EIF4ENIF1: variants seen among roughly 807,000 people sequenced by gnomAD.
The protein encoded by EIF4ENIF1 is eukaryotic translation initiation factor 4E transporter.
In EIF4ENIF1, 23 loss-of-function variants were observed where a neutral mutation model predicts 110.5. The observed-to-expected ratio is 0.21, with a 90% CI of 0.15 to 0.29. EIF4ENIF1 has a LOEUF of 0.29. EIF4ENIF1 is among the 10% of genes least tolerant of loss of function. The pLI is 1.00. For synonymous variants in EIF4ENIF1, 440 were observed against 437.0 expected (o/e 1.01, Z -0.09); for missense variants, 1,031 against 1,221.1 (o/e 0.84, Z 2.32).
At chr22:31,489,941 G>C (rs909027686), upstream of EIF4ENIF1, 1 of 152,202 alleles carries the variant, frequency 6.6e-6, no homozygotes, top group Non-Finnish European at 1.5e-5. Flanking sequence ...CGCGCGCCCG[G>C]ATGTGAGGTG....
intron 11 of EIF4ENIF1, 66 bp from the exon 12 acceptor site, chr22:31,449,597 T>C (rs1255359075): frequency 2.0e-6 from 3 of 1,489,220 alleles, no homozygotes; most frequent in East Asian, 2.3e-5. Flanking sequence ...CTGTGAATTA[T>C]GGATTAACTT....
At chr22:31,449,556 T>G in intron 11 of EIF4ENIF1, 25 bp from the exon 12 acceptor site, 2 of 1,601,000 alleles carry the variant, frequency 1.2e-6, no homozygotes, top group Non-Finnish European at 1.7e-6. Context: ...GCCAAATCCC[T>G]GTGAACTTAG....
chr22:31,472,773 A>C (rs2051428416), intron 2 of EIF4ENIF1, among the ~76,000 whole-genome samples: 1 of 152,164 alleles, frequency 6.6e-6, no homozygotes, highest in Non-Finnish European at 1.5e-5. Context: ...TCAAGTCAGG[A>C]TATCTCGGGT....
intron 9 of EIF4ENIF1, 50 bp from the exon 10 acceptor site, chr22:31,454,426 AG>A: frequency 6.7e-7 from 1 of 1,485,082 alleles, no homozygotes; most frequent in Non-Finnish European, 9.4e-7. Flanking sequence ...GATATCTGGT[AG>A]GAATTCTCTT....
intron 15 of EIF4ENIF1, among the ~76,000 whole-genome samples, chr22:31,444,243 A>G (rs1284783551): frequency 1.3e-5 from 2 of 152,178 alleles, no homozygotes; most frequent in Non-Finnish European, 2.9e-5. Context: ...GCAAGTTTCA[A>G]TAGACTCCCC....
In EIF4ENIF1 at chr22:31,454,271, A is replaced by G. The variant is rs1303777341; in HGVS notation, c.1385T>C (p.Leu462Pro). The G allele has an allele frequency of 6.2e-7, 1 of 1,613,936 alleles. No individual in the cohort carries two copies. The change falls in exon 10 of 19, where the codon CTA becomes CCA. Residue 462 changes from leucine to proline, a missense_variant. Leu to Pro is a moderately conservative substitution (Grantham distance 98). Transcript: ENST00000330125. ...KNSTPFMAEH[L>P]EETLSAVTNN... ...GGTTACGGCACTCAAGGTCTCTTCT[A>G]GGTGTTCTGCCATGAAGGGAGTTGA...
intron 5 of EIF4ENIF1, 133 bp downstream of exon 5, chr22:31,463,548 G>T: frequency 1.2e-6 from 1 of 865,702 alleles, no homozygotes; most frequent in Non-Finnish European, 1.7e-6. Flanking sequence ...CGGGTATGGT[G>T]GTGCGTGCCT....
At chr22:31,470,957 A>G (rs2051355366) in intron 3 of EIF4ENIF1, among the ~76,000 whole-genome samples, 1 of 150,780 alleles carries the variant, frequency 6.6e-6, no homozygotes, top group Non-Finnish European at 1.5e-5. Context: ...GGTTGCAGTG[A>G]GCCCAGATCG....
At chr22:31,483,210 T>C (rs1388035522) in intron 2 of EIF4ENIF1, among the ~76,000 whole-genome samples, 2 of 62,502 alleles carry the variant, frequency 3.2e-5, no homozygotes, top group East Asian at 1.4e-3. Flanking sequence ...GGAGACGATC[T>C]TTTTTTTTTT....
At chr22:31,491,400 G>A (rs1465839583), upstream of EIF4ENIF1, among the ~76,000 whole-genome samples, 2 of 152,140 alleles carry the variant, frequency 1.3e-5, no homozygotes, top group African/African-American at 2.4e-5. Context: ...TAGTGGAGAA[G>A]GCCCGTTCTT....
At chr22:31,466,327 C>T (rs763898991) in intron 4 of EIF4ENIF1, among the ~76,000 whole-genome samples, 2 of 152,024 alleles carry the variant, frequency 1.3e-5, no homozygotes, top group Non-Finnish European at 2.9e-5. Flanking sequence ...GCGCGACAAT[C>T]GCTTGAACCC....
chr22:31,440,789 TAAAGGGTA>T lies in EIF4ENIF1; in HGVS notation c.2623_2630del (p.Tyr875ThrfsTer4). On this transcript the variant is annotated frameshift_variant, in exon 18 of 19. Transcript: ENST00000330125. LOFTEE classifies it high-confidence loss of function. ...TTAAGAGAGGGTGACTAGCAGCAGGTAAAGGGTAAAAGGGCTGACCCAGGATGGGGCCA... is the reference window on the plus strand; with the variant it reads ...TTAAGAGAGGGTGACTAGCAGCAGGTAAAGGGCTGACCCAGGATGGGGCCA... The T allele has an allele frequency of 6.2e-7, 1 of 1,613,874 alleles. No homozygotes were observed. The highest frequency in any genetic ancestry group is 8.5e-7 in the Non-Finnish European group (1 of 1,179,862).
Position 31,455,275 on chromosome 22 carries a change from C to G in EIF4ENIF1, c.1140G>C (p.Gly380=), listed in dbSNP as rs1251561648. 3 of 1,611,576 alleles carry G rather than the reference C, an allele frequency of 1.9e-6. No individual in the cohort carries two copies. Among genetic ancestry groups the G allele is most frequent in the Non-Finnish European group, 2.5e-6 (3 of 1,178,988 alleles). ...CCAATGGTATAGGAGCAAAGTAATT[C>G]CCCGAGTTCTGTCCAGGAGAGAGGA... is the stretch of plus-strand genomic sequence containing the variant. ...QAILSPGQNS[G]NYFAPIPLED... Residue 380 remains glycine, a synonymous_variant, in exon 9 of 19, where the codon GGG becomes GGC. Transcript: ENST00000330125.
intron 14 of EIF4ENIF1, among the ~76,000 whole-genome samples, chr22:31,446,660 G>A (rs1378380239): frequency 4.6e-5 from 7 of 152,168 alleles, no homozygotes; most frequent in Admixed American, 4.6e-4. Flanking sequence ...TACTTTTAAA[G>A]GCTGGACAGT....
chr22:31,455,161 T>A lies in EIF4ENIF1; in HGVS notation c.1254A>T (p.Ala418=), dbSNP rs769500788. The change falls in exon 9 of 19, where the codon GCA becomes GCT. Residue 418 remains alanine, a synonymous_variant. Coordinates refer to ENST00000330125, the MANE Select transcript of EIF4ENIF1 (RefSeq NM_019843.4). The part of the protein sequence containing the change: ...DLKPLLSSLS[A]NKEKLKESSH... ...AGCTTTCTTTAAGTTTTTCTTTATTTGCAGAAAGGCTGGAAAGAAGAGGTT... is the reference window on the plus strand; with the variant it reads ...AGCTTTCTTTAAGTTTTTCTTTATTAGCAGAAAGGCTGGAAAGAAGAGGTT... 8 of 1,611,608 alleles carry A rather than the reference T, an allele frequency of 5.0e-6. No individual in the cohort carries two copies. Among genetic ancestry groups the A allele is most frequent in the Non-Finnish European group, 5.9e-6 (7 of 1,179,394 alleles).
In EIF4ENIF1 at chr22:31,444,761, C is replaced by A; in HGVS notation, c.1989-71G>T. The A allele has an allele frequency of 2.1e-6, 3 of 1,431,670 alleles. No individual in the cohort carries two copies. The South Asian group carries it at 3.4e-5, about 16-fold the overall frequency. 88.7% of individuals were successfully genotyped at this position (1,431,670 alleles called of 1,614,324 possible). ...TCAAGTCTTAAAACCATATAATACTCAAGACCAGCCTAGAAGTTTTAACAT... is the reference window on the plus strand; with the variant it reads ...TCAAGTCTTAAAACCATATAATACTAAAGACCAGCCTAGAAGTTTTAACAT... On this transcript the variant is annotated intron_variant, in intron 14 of 18. Transcript: ENST00000330125.
At chr22:31,478,599 C>G (rs1341454303) in intron 2 of EIF4ENIF1, among the ~76,000 whole-genome samples, 1 of 148,908 alleles carries the variant, frequency 6.7e-6, no homozygotes, top group African/African-American at 2.5e-5. Context: ...GGGCGGATCA[C>G]GAGGTCACGA....
intron 11 of EIF4ENIF1, among the ~76,000 whole-genome samples, 196 bp downstream of exon 11, chr22:31,450,093 C>CT (rs144780466): frequency 0.44 from 66,349 of 151,938 alleles, 15,029 homozygotes; most frequent in Middle Eastern, 0.57. Flanking sequence ...ACTTTGTCAA[C>CT]TTTTTTAGCC....
chr22:31,463,963 T>G lies in EIF4ENIF1; in HGVS notation c.303A>C (p.Pro101=), dbSNP rs1159599507. 4 of 1,611,372 alleles carry G rather than the reference T, an allele frequency of 2.5e-6. No individual in the cohort carries two copies. In the East Asian group the frequency reaches 8.9e-5, roughly 36 times the overall value. The change falls in exon 5 of 19, where the codon CCA becomes CCC. Residue 101 remains proline, a synonymous_variant. Coordinates refer to ENST00000330125, the MANE Select transcript of EIF4ENIF1 (RefSeq NM_019843.4). The stretch of plus-strand genomic sequence containing the variant: ...AGTCATCTTCTTTCACACGCTCTCG[T>G]GGATCTGGAAGGACGTGGGAAAGAC... ...RPSLVRRIVD[P]RERVKEDDLD...
Sources: allele counts gnomAD v4.1 joint callset (sites outside exome capture counted in the v4.1 genomes callset), GRCh38; gene constraint gnomAD v4.1.1; transcripts MANE v1.5; gene names NCBI Gene and HGNC (gene_info 2026-07-23, HGNC 2026-07-21).